Variants in PTPRE observed in about 807,000 individuals in gnomAD.
PTPRE encodes the protein protein tyrosine phosphatase receptor type E, also known as receptor-type tyrosine-protein phosphatase epsilon.
PTPRE carries 51 observed loss-of-function variants against 102.0 expected under a neutral mutation model. That is an observed-to-expected ratio of 0.50 (90% CI 0.40 to 0.63). PTPRE has a LOEUF of 0.63. Among genes scored for constraint, PTPRE ranks in the 30% least tolerant of loss-of-function variants. The probability of loss-of-function intolerance (pLI) is 0.00; values close to 1 mark genes in which losing one functional copy is unlikely to be tolerated. For synonymous variants in PTPRE, 345 were observed against 348.2 expected (o/e 0.99, Z 0.10); for missense variants, 752 against 915.1 (o/e 0.82, Z 2.30).
chr10:127,975,605 G>A (rs912343169), intron 1 of PTPRE, among the ~76,000 whole-genome samples: 1 of 152,046 alleles, frequency 6.6e-6, no homozygotes, highest in African/African-American at 2.4e-5. Context: ...TTTCCAATTG[G>A]CACGCTGAAA....
intron 20 of PTPRE, among the ~76,000 whole-genome samples, chr10:128,081,299 G>C (rs997584508): frequency 2.6e-5 from 4 of 152,198 alleles, no homozygotes; most frequent in Non-Finnish European, 5.9e-5. Flanking sequence ...AGCATCCTAG[G>C]TAGGCTTTGG....
At chr10:128,075,252 G>A (rs771074393) in intron 17 of PTPRE, among the ~76,000 whole-genome samples, 15 of 152,102 alleles carry the variant, frequency 9.9e-5, no homozygotes, top group Non-Finnish European at 1.5e-4. Context: ...GTTTCATTTC[G>A]TTGTTTTACA....
At chr10:128,080,625 G>A (rs1365055312) in intron 20 of PTPRE, among the ~76,000 whole-genome samples, 1 of 152,170 alleles carries the variant, frequency 6.6e-6, no homozygotes. Context: ...ATCTTCGAGA[G>A]CATCTGTCAT....
chr10:128,081,366 T>G (rs1208700890), intron 20 of PTPRE, among the ~76,000 whole-genome samples: 1 of 152,210 alleles, frequency 6.6e-6, no homozygotes. Context: ...GTCTGTGGAT[T>G]GACCAGAAAT....
chr10:127,983,908 G>C (rs189414567), intron 2 of PTPRE, among the ~76,000 whole-genome samples: 3 of 151,968 alleles, frequency 2.0e-5, no homozygotes, highest in African/African-American at 7.3e-5. Flanking sequence ...TCTCAAAACC[G>C]GCAAGAGATT....
At chr10:128,069,609 G>A in intron 12 of PTPRE, 83 bp from the exon 13 acceptor site, 8 of 1,552,948 alleles carry the variant, frequency 5.2e-6, no homozygotes, top group Non-Finnish European at 7.0e-6. Flanking sequence ...CCAGTGACCT[G>A]GGTGCGCAGG....
chr10:127,943,369 C>T (rs1848388633), intron 1 of PTPRE, among the ~76,000 whole-genome samples: 1 of 152,178 alleles, frequency 6.6e-6, no homozygotes. Flanking sequence ...GAGTAGGTTG[C>T]TAATCCTCTC....
At position 127,980,528 on chromosome 10, in the gene PTPRE, T is replaced by G. The variant is rs138191715; in HGVS notation, c.-30-1746T>G. 4.3e-3 allele frequency among the ~76,000 whole-genome samples: 651 copies of G among 152,294 alleles called. 1 individual carries two copies. Among genetic ancestry groups the G allele is most frequent in the African/African-American group, 0.015 (627 of 41,556 alleles). On this transcript the variant is annotated intron_variant, in intron 1 of 20. Transcript: ENST00000254667. ...TTTTCCTAACTTATTGCATTGGCTATGATTTCCAGGATAATGTTAAATAGG... is the reference window on the plus strand; with the variant it reads ...TTTTCCTAACTTATTGCATTGGCTAGGATTTCCAGGATAATGTTAAATAGG...
At chr10:127,973,103 A>C (rs1402916071) in intron 1 of PTPRE, among the ~76,000 whole-genome samples, 1 of 152,208 alleles carries the variant, frequency 6.6e-6, no homozygotes, top group African/African-American at 2.4e-5. Flanking sequence ...ATTGTTCCAG[A>C]ATGGAGCACT....
chr10:128,027,584 T>G (rs1046515249), intron 2 of PTPRE, among the ~76,000 whole-genome samples: 3 of 152,144 alleles, frequency 2.0e-5, no homozygotes, highest in Admixed American at 2.0e-4. Flanking sequence ...TCCTTCCTAA[T>G]CCAGAAACAT....
intron 1 of PTPRE, among the ~76,000 whole-genome samples, chr10:127,975,351 C>G (rs1221853512): frequency 6.6e-6 from 1 of 152,234 alleles, no homozygotes; most frequent in African/African-American, 2.4e-5. Context: ...ATCTCATCAG[C>G]AAACATGCTA....
intron 7 of PTPRE, among the ~76,000 whole-genome samples, chr10:128,056,901 A>G (rs927757292): frequency 6.6e-6 from 1 of 151,904 alleles, no homozygotes; most frequent in Non-Finnish European, 1.5e-5. Flanking sequence ...CAAACCCTGT[A>G]GGTTCTGAAC....
chr10:128,048,797 T>C (rs1275930532), intron 5 of PTPRE, among the ~76,000 whole-genome samples: 1 of 152,120 alleles, frequency 6.6e-6, no homozygotes, highest in Non-Finnish European at 1.5e-5. Context: ...GGGTGAAGTT[T>C]TTGGCTGGGC....
intron 1 of PTPRE, among the ~76,000 whole-genome samples, chr10:127,957,286 A>G (rs577907737): frequency 5.3e-5 from 8 of 151,154 alleles, no homozygotes; most frequent in Admixed American, 5.3e-4. Context: ...CATTTTTTGC[A>G]TATGGATTTA....
At chr10:127,999,821 A>G (rs902186816) in intron 2 of PTPRE, 1 of 985,338 alleles carries the variant, frequency 1.0e-6, no homozygotes, top group Non-Finnish European at 1.2e-6. Context: ...TACAAAGGGA[A>G]TACTCAGTAA....
intron 2 of PTPRE, among the ~76,000 whole-genome samples, chr10:128,036,046 A>G (rs1024713640): frequency 7.9e-5 from 12 of 152,094 alleles, no homozygotes; most frequent in Admixed American, 7.9e-4. Context: ...GGGTGAGGAG[A>G]GAGAGGGGAC....
intron 1 of PTPRE, among the ~76,000 whole-genome samples, chr10:127,917,055 G>A (rs73374396): frequency 0.021 from 3,206 of 152,102 alleles, 114 homozygotes; most frequent in African/African-American, 0.073. Flanking sequence ...CAGAATGGAG[G>A]TGACGGGGGA....
chr10:128,071,280 C>T (rs944481988), intron 15 of PTPRE: 1 of 270,076 alleles, frequency 3.7e-6, no homozygotes. Context: ...CCCGCCTCCC[C>T]CTTACACAGA....
At chr10:128,053,748 T>TTTAA (rs1225558840) in intron 6 of PTPRE, among the ~76,000 whole-genome samples, 1 of 151,926 alleles carries the variant, frequency 6.6e-6, no homozygotes, top group African/African-American at 2.4e-5. Context: ...CTCAATTTCT[T>TTTAA]TTAATTTATT....
Sources: allele counts gnomAD v4.1 joint callset (sites outside exome capture counted in the v4.1 genomes callset), GRCh38; gene constraint gnomAD v4.1.1; transcripts MANE v1.5; gene names NCBI Gene and HGNC (gene_info 2026-07-23, HGNC 2026-07-21).